EPB41L4B: variants seen among roughly 807,000 people sequenced by gnomAD.
EPB41L4B encodes band 4.1-like protein 4B.
EPB41L4B carries 30 observed loss-of-function variants against 112.5 expected under a neutral mutation model. That is an observed-to-expected ratio of 0.27 (90% CI 0.20 to 0.36). The LOEUF (loss-of-function observed/expected upper bound fraction) is 0.36. EPB41L4B is among the 10% of genes least tolerant of loss of function. EPB41L4B has a pLI of 1.00. For missense variants in EPB41L4B, 1,024 were observed against 1,133.3 expected, an observed-to-expected ratio of 0.90 and a Z score of 1.38; for synonymous variants, 408 against 439.7, an observed-to-expected ratio of 0.93 and a Z score of 0.90.
intron 1 of EPB41L4B, among the ~76,000 whole-genome samples, chr9:109,318,247 C>T (rs1390461426): frequency 2.0e-5 from 3 of 152,044 alleles, no homozygotes; most frequent in Non-Finnish European, 4.4e-5. Context: ...AATTTGCCGT[C>T]CTGGGAATAC....
intron 21 of EPB41L4B, among the ~76,000 whole-genome samples, chr9:109,193,082 T>G (rs921721434): frequency 1.3e-5 from 2 of 152,098 alleles, no homozygotes; most frequent in South Asian, 4.1e-4. Context: ...GAGACAAAGT[T>G]GTACAGGGGG....
At chr9:109,207,245 G>A (rs1833017173) in intron 18 of EPB41L4B, among the ~76,000 whole-genome samples, 1 of 152,138 alleles carries the variant, frequency 6.6e-6, no homozygotes, top group South Asian at 2.1e-4. Context: ...AGAGTTGTGT[G>A]GCCCAAAATG....
At chr9:109,201,191 C>T (rs994322725) in intron 19 of EPB41L4B, among the ~76,000 whole-genome samples, 3 of 152,038 alleles carry the variant, frequency 2.0e-5, no homozygotes, top group Non-Finnish European at 4.4e-5. Context: ...TGGCTCACGC[C>T]TGTAATCCCA....
chr9:109,297,146 A>G (rs1836761586), intron 1 of EPB41L4B, among the ~76,000 whole-genome samples: 1 of 145,522 alleles, frequency 6.9e-6, no homozygotes, highest in Non-Finnish European at 1.5e-5. Context: ...CACCAGGGAC[A>G]CATACGCAGG....
At chr9:109,302,697 T>C (rs1389035933) in intron 1 of EPB41L4B, among the ~76,000 whole-genome samples, 2 of 152,066 alleles carry the variant, frequency 1.3e-5, no homozygotes, top group East Asian at 1.9e-4. Context: ...CACAGGATCT[T>C]AGAGCTTGCT....
rs1381083594 is a variant in EPB41L4B at position 109,320,234 on chromosome 9, C to T, written c.213G>A (p.Ala71=). ...AGGGPLLTGG[A]AVHISAAGAA... is the part of the protein sequence containing the mutation. ...CGCCGGCGGCGGAGATGTGCACGGCCGCGCCGCCGGTGAGCAGGGGCCCGC... is the reference window on the plus strand; with the variant it reads ...CGCCGGCGGCGGAGATGTGCACGGCTGCGCCGCCGGTGAGCAGGGGCCCGC... Residue 71 remains alanine (A), a synonymous_variant, in exon 1 of 26, where the codon GCG becomes GCA. Coordinates refer to ENST00000374566, the MANE Select transcript of EPB41L4B (RefSeq NM_019114.5). 9 of 1,294,218 alleles carry T rather than the reference C, an allele frequency of 7.0e-6. No homozygotes were observed. Among genetic ancestry groups the T allele is most frequent in the Non-Finnish European group, 8.8e-6 (9 of 1,017,492 alleles). The allele number at this position is 1,294,218 out of a possible 1,614,324, so 80.2% of individuals were successfully genotyped here. A position where few individuals can be genotyped will look rare whatever the true frequency, so the allele number is the denominator to read the frequency against.
At chr9:109,319,537 T>C (rs573251798) in intron 1 of EPB41L4B, among the ~76,000 whole-genome samples, 3 of 152,238 alleles carry the variant, frequency 2.0e-5, no homozygotes, top group East Asian at 1.9e-4. Context: ...GCGGGGCAGA[T>C]GGGGCTCAGG....
chr9:109,215,669 C>T (rs1430643620), intron 16 of EPB41L4B, among the ~76,000 whole-genome samples: 1 of 152,130 alleles, frequency 6.6e-6, no homozygotes, highest in East Asian at 1.9e-4. Flanking sequence ...ACTTTTCAAA[C>T]CACATTTGAT....
intron 13 of EPB41L4B, among the ~76,000 whole-genome samples, chr9:109,250,869 C>T (rs573262912): frequency 3.3e-5 from 5 of 152,304 alleles, no homozygotes; most frequent in East Asian, 1.9e-4. Flanking sequence ...CAGTCACGTT[C>T]GCTCATTTAC....
At chr9:109,269,940 T>C (rs10979785) in intron 2 of EPB41L4B, among the ~76,000 whole-genome samples, 7,782 of 152,258 alleles carry the variant, frequency 0.051, 297 homozygotes, top group Non-Finnish European at 0.076. Flanking sequence ...CAACAGATGA[T>C]TGATAATACA....
intron 18 of EPB41L4B, among the ~76,000 whole-genome samples, chr9:109,205,994 A>T (rs1164248523): frequency 2.0e-5 from 3 of 152,134 alleles, no homozygotes; most frequent in Non-Finnish European, 4.4e-5. Flanking sequence ...CTTTCTCTTG[A>T]CTTTCATGGT....
At chr9:109,185,254 C>T (rs1322738434) in intron 23 of EPB41L4B, among the ~76,000 whole-genome samples, 1 of 152,240 alleles carries the variant, frequency 6.6e-6, no homozygotes, top group East Asian at 1.9e-4. Context: ...GGAAAACAAA[C>T]TCTTCTTGAT....
At chr9:109,290,173 C>G (rs1400155340) in intron 1 of EPB41L4B, among the ~76,000 whole-genome samples, 15 of 152,180 alleles carry the variant, frequency 9.9e-5, no homozygotes, top group Admixed American at 9.8e-4. Flanking sequence ...AGCAATATGA[C>G]CATGGCCTTA....
At chr9:109,306,680 A>G (rs550759931) in intron 1 of EPB41L4B, among the ~76,000 whole-genome samples, 6 of 152,302 alleles carry the variant, frequency 3.9e-5, no homozygotes, top group African/African-American at 1.4e-4. Context: ...AAGCCCATCA[A>G]TCTTGGTGGC....
rs147703641 is a variant in EPB41L4B at position 109,245,047 on chromosome 9, T to A, written c.1345-1365A>T. Among the ~76,000 whole-genome samples, 29 of 152,326 alleles carry A rather than the reference T, an allele frequency of 1.9e-4. 1 individual carries two copies. The highest frequency in any genetic ancestry group is 6.5e-4 in the African/African-American group (27 of 41,578). On this transcript the variant is annotated intron_variant, in intron 14 of 25. Transcript: ENST00000374566. ...CTCTGCAGCCCCCGGAAGGACATGC[T>A]GCAGGAAAAGGAATCTGGAGAAAAT...
chr9:109,293,498 T>C (rs1836612340), intron 1 of EPB41L4B, among the ~76,000 whole-genome samples: 1 of 151,916 alleles, frequency 6.6e-6, no homozygotes. Context: ...TTCCCCTGCC[T>C]CAGCCTCCTG....
rs1835452557 is a variant in EPB41L4B at position 109,267,534 on chromosome 9, A to C, written c.472T>G (p.Leu158Val). Reference protein sequence around the residue: ...KQMKIGPAYALHFRVKYYSSE... With the variant: ...KQMKIGPAYAVHFRVKYYSSE... ...GAATAGTATTTAACTCGAAAGTGTA[A>C]AGCATAAGCAGGTCCAACTAAACAT... The change falls in exon 4 of 26, where the codon TTA becomes GTA. Residue 158 changes from leucine (L) to valine (V), a missense_variant. Coordinates refer to ENST00000374566, the MANE Select transcript of EPB41L4B (RefSeq NM_019114.5). 1 of 1,612,546 alleles carries C rather than the reference A, an allele frequency of 6.2e-7. No individual in the cohort carries two copies. The highest frequency in any genetic ancestry group is 8.5e-7 in the Non-Finnish European group (1 of 1,178,584).
At chr9:109,205,595 T>C (rs1465310642) in intron 18 of EPB41L4B, among the ~76,000 whole-genome samples, 6 of 152,224 alleles carry the variant, frequency 3.9e-5, no homozygotes, top group Non-Finnish European at 8.8e-5. Context: ...TTGACATTCC[T>C]GAGTTTGTGA....
intron 1 of EPB41L4B, among the ~76,000 whole-genome samples, chr9:109,302,954 G>A (rs991835806): frequency 2.6e-5 from 4 of 151,798 alleles, no homozygotes; most frequent in African/African-American, 7.3e-5. Context: ...AGTAGCATGC[G>A]CCTGCAGTCC....
Sources: gnomAD v4.1 joint callset for allele counts (sites outside exome capture counted in the v4.1 genomes callset) on GRCh38, gnomAD v4.1.1 for gene constraint, MANE v1.5 for transcripts, NCBI Gene and HGNC (gene_info 2026-07-23, HGNC 2026-07-21) for gene names.